SUSD4: variants seen among roughly 807,000 people sequenced by gnomAD.
The protein encoded by SUSD4 is sushi domain containing 4.
Under a neutral mutation model 50.5 loss-of-function variants are expected in SUSD4, and 41 were observed. The ratio of observed to expected loss-of-function variants is 0.81; its 90% CI spans 0.63 to 1.05. The LOEUF is 1.05. Ranked by LOEUF, SUSD4 falls within the 50% of genes least tolerant of loss-of-function variation. The pLI, the probability that SUSD4 is intolerant of heterozygous loss-of-function variation, is 0.00. For missense variants in SUSD4, 580 were observed against 634.7 expected (o/e 0.91, Z 0.93); for synonymous variants, 257 against 257.3 (o/e 1.00, Z 0.01).
chr1:223,333,762 T>A (rs562959622), intron 2 of SUSD4, among the ~76,000 whole-genome samples: 2 of 152,164 alleles, frequency 1.3e-5, no homozygotes, highest in African/African-American at 2.4e-5. Flanking sequence ...CTGAAATGCA[T>A]AAAGAGGTCA....
chr1:223,289,302 A>T, intron 3 of SUSD4: 13 of 985,386 alleles, frequency 1.3e-5, no homozygotes, highest in Non-Finnish European at 1.6e-5. Context: ...GACATCTCTG[A>T]GGTTGGAGAC....
chr1:223,253,822 G>A (rs368861491), intron 5 of SUSD4, among the ~76,000 whole-genome samples: 1 of 152,118 alleles, frequency 6.6e-6, no homozygotes, highest in Admixed American at 6.5e-5. Flanking sequence ...CATTTGTACC[G>A]GTCATCTATT....
At chr1:223,341,160 G>A (rs1667733922) in intron 2 of SUSD4, among the ~76,000 whole-genome samples, 1 of 152,134 alleles carries the variant, frequency 6.6e-6, no homozygotes, top group Admixed American at 6.5e-5. Context: ...AACAAGAACT[G>A]TGATGGTGCT....
chr1:223,254,559 A>G (rs1326981487), intron 5 of SUSD4, among the ~76,000 whole-genome samples: 1 of 152,192 alleles, frequency 6.6e-6, no homozygotes, highest in Non-Finnish European at 1.5e-5. Context: ...GGGAATCAGA[A>G]AACGCAAGAG....
At chr1:223,257,295 G>A (rs1661763976) in intron 5 of SUSD4, among the ~76,000 whole-genome samples, 1 of 152,130 alleles carries the variant, frequency 6.6e-6, no homozygotes, top group African/African-American at 2.4e-5. Flanking sequence ...CTTGAGGCCA[G>A]GAGTTTGAGA....
intron 2 of SUSD4, among the ~76,000 whole-genome samples, chr1:223,346,908 C>A (rs189463141): frequency 9.3e-4 from 142 of 152,256 alleles, no homozygotes; most frequent in African/African-American, 3.4e-3. Context: ...CTTATGCTTG[C>A]CCCAGCAAGG....
At chr1:223,359,193 T>C in intron 2 of SUSD4, 1 of 467,180 alleles carries the variant, frequency 2.1e-6, no homozygotes, top group East Asian at 7.0e-5. Context: ...CTTCAGTGGG[T>C]TCCCCACTGC....
chr1:223,234,179 T>C (rs1660069611), intron 5 of SUSD4, among the ~76,000 whole-genome samples: 1 of 152,188 alleles, frequency 6.6e-6, no homozygotes, highest in African/African-American at 2.4e-5. Context: ...AAGTCTTCCC[T>C]GTGTTGGCCA....
chr1:223,283,406 CA>C (rs1663896528), intron 3 of SUSD4, among the ~76,000 whole-genome samples: 1 of 152,096 alleles, frequency 6.6e-6, no homozygotes, highest in African/African-American at 2.4e-5. Flanking sequence ...ACAACCTCAT[CA>C]AAAATGGGTG....
chr1:223,307,328 G>C (rs182586813), intron 2 of SUSD4, among the ~76,000 whole-genome samples: 3 of 152,238 alleles, frequency 2.0e-5, no homozygotes, highest in South Asian at 2.1e-4. Context: ...ACTAAAATAC[G>C]TTTTCCACAT....
At chr1:223,309,425 T>C (rs765441576) in intron 2 of SUSD4, among the ~76,000 whole-genome samples, 1 of 152,104 alleles carries the variant, frequency 6.6e-6, no homozygotes, top group Non-Finnish European at 1.5e-5. Flanking sequence ...GGAGAGCTTC[T>C]CCAGGGATAA....
rs143165120 is a variant in SUSD4, at chr1:223,344,340, G to T, written c.148+18938C>A. Among the ~76,000 whole-genome samples the T allele has an allele frequency of 4.6e-3, 698 of 152,268 alleles. 15 individuals carry two copies. The highest frequency in any genetic ancestry group is 0.036 in the Admixed American group (550 of 15,302). ...AGGGATAGAGTGGAAATGGCACCCA[G>T]CCTCTCAGATGAGTGTCTCACACAA... is the stretch of plus-strand genomic sequence containing the variant. On this transcript the variant is annotated intron_variant, in intron 2 of 8. Coordinates refer to ENST00000366878, the MANE Select transcript of SUSD4 (RefSeq NM_017982.4).
chr1:223,287,893 C>A (rs1664244725), intron 3 of SUSD4, among the ~76,000 whole-genome samples: 1 of 152,110 alleles, frequency 6.6e-6, no homozygotes, highest in South Asian at 2.1e-4. Context: ...TTTAAGTCTG[C>A]AGCAGGCTCC....
At chr1:223,240,463 G>A (rs1396517094) in intron 5 of SUSD4, among the ~76,000 whole-genome samples, 4 of 151,586 alleles carry the variant, frequency 2.6e-5, no homozygotes, top group Non-Finnish European at 4.4e-5. Context: ...CACAGTCCTC[G>A]GATATTCTGG....
intron 2 of SUSD4, among the ~76,000 whole-genome samples, chr1:223,327,503 A>C (rs1181261078): frequency 6.6e-6 from 1 of 152,244 alleles, no homozygotes; most frequent in African/African-American, 2.4e-5. Flanking sequence ...TGTTTTAAAA[A>C]CAAAGAAAAT....
intron 4 of SUSD4, among the ~76,000 whole-genome samples, chr1:223,267,144 C>T (rs1012980547): frequency 1.3e-5 from 2 of 152,172 alleles, no homozygotes; most frequent in African/African-American, 2.4e-5. Context: ...GAAGGGGCAA[C>T]AGTGGCCAGA....
At chr1:223,244,100 A>C (rs1379730307) in intron 5 of SUSD4, among the ~76,000 whole-genome samples, 2 of 152,214 alleles carry the variant, frequency 1.3e-5, no homozygotes, top group Non-Finnish European at 2.9e-5. Context: ...GAAAAACATT[A>C]ATAGCACAAT....
chr1:223,319,460 A>G (rs1246072292), intron 2 of SUSD4, among the ~76,000 whole-genome samples: 1 of 152,116 alleles, frequency 6.6e-6, no homozygotes, highest in Non-Finnish European at 1.5e-5. Flanking sequence ...ATTTACAAGA[A>G]AATGCTTGCC....
chr1:223,279,738 T>C (rs1197938097), intron 3 of SUSD4, among the ~76,000 whole-genome samples: 2 of 152,046 alleles, frequency 1.3e-5, no homozygotes, highest in Non-Finnish European at 2.9e-5. Flanking sequence ...ATACAGAGAA[T>C]GCCACAAAGA....
Sources: allele counts gnomAD v4.1 joint callset (sites outside exome capture counted in the v4.1 genomes callset), GRCh38; gene constraint gnomAD v4.1.1; transcripts MANE v1.5; gene names NCBI Gene and HGNC (gene_info 2026-07-23, HGNC 2026-07-21).